The following USP31 variants were observed in gnomAD, a reference collection of about 807,000 sequenced individuals.
USP31 encodes ubiquitin carboxyl-terminal hydrolase 31.
In USP31, 44 loss-of-function variants were observed where a neutral mutation model predicts 119.4. The observed-to-expected ratio is 0.37, with a 90% CI of 0.29 to 0.47. The LOEUF is 0.47. Ranked by LOEUF, USP31 falls within the 20% of genes least tolerant of loss-of-function variation. The probability of loss-of-function intolerance (pLI) is 0.99; values close to 1 mark genes in which losing one functional copy is unlikely to be tolerated. For synonymous variants in USP31, 749 were observed against 705.6 expected (o/e 1.06, Z -0.97); for missense variants, 1,643 against 1,730.2 (o/e 0.95, Z 0.89).
chr16:23,112,818 C>T (rs112188816), intron 1 of USP31, among the ~76,000 whole-genome samples: 1,687 of 151,992 alleles, frequency 0.011, 13 homozygotes, highest in African/African-American at 0.027. Flanking sequence ...CACCTGAGGT[C>T]GGGAGTTCAA....
intron 1 of USP31, among the ~76,000 whole-genome samples, chr16:23,135,623 A>T (rs1903165249): frequency 6.6e-6 from 1 of 152,238 alleles, no homozygotes; most frequent in African/African-American, 2.4e-5. Flanking sequence ...AATAAATTTA[A>T]CCAAGGAAGG....
At chr16:23,082,326 G>A in intron 12 of USP31, 112 bp downstream of exon 12, 1 of 1,403,422 alleles carries the variant, frequency 7.1e-7, no homozygotes, top group South Asian at 1.3e-5. Flanking sequence ...TACACAGACA[G>A]GACTCACTGG....
Position 23,090,613 on chromosome 16 carries a change from C to T in USP31, c.1415+11G>A. 1 of 1,592,416 alleles carries T rather than the reference C, an allele frequency of 6.3e-7. No homozygotes were observed. The highest frequency in any genetic ancestry group is 1.3e-5 in the African/African-American group (1 of 74,644). ...GTCTAGGTACTTACTGGAAAATAAT[C>T]TGGTTCTCACCTTTTCCCTTGTTGC... On this transcript the variant is annotated intron_variant, in intron 7 of 15. Transcript: ENST00000219689.
chr16:23,100,015 G>A (rs1442565420), intron 6 of USP31, among the ~76,000 whole-genome samples: 3 of 152,180 alleles, frequency 2.0e-5, no homozygotes, highest in Non-Finnish European at 4.4e-5. Context: ...AAATTAAAGA[G>A]TCAGATAATA....
intron 6 of USP31, among the ~76,000 whole-genome samples, chr16:23,093,057 A>C (rs1248117549): frequency 2.0e-5 from 3 of 152,172 alleles, no homozygotes; most frequent in African/African-American, 7.2e-5. Flanking sequence ...AACAACCTAA[A>C]TGTAAGAGCT....
chr16:23,071,606 T>G (rs1234447989), intron 15 of USP31, among the ~76,000 whole-genome samples: 2 of 152,216 alleles, frequency 1.3e-5, no homozygotes, highest in East Asian at 3.8e-4. Flanking sequence ...GAGCAGCATG[T>G]TGGAAGGTGA....
intron 5 of USP31, among the ~76,000 whole-genome samples, chr16:23,104,853 T>C (rs1596714037): frequency 6.6e-6 from 1 of 152,176 alleles, no homozygotes; most frequent in African/African-American, 2.4e-5. Context: ...AGGTCAAAAG[T>C]ATTTTTGGTC....
At chr16:23,072,252 G>T in intron 14 of USP31, 55 bp from the exon 15 acceptor site, 1 of 1,561,704 alleles carries the variant, frequency 6.4e-7, no homozygotes. Flanking sequence ...GGCCAGCCCT[G>T]AGCCACACAC....
Position 23,062,015 on chromosome 16 carries a change from A to G in USP31, c.*6031T>C, listed in dbSNP as rs1173067248. On this transcript the variant is annotated 3_prime_UTR_variant, in exon 16 of 16. Transcript: ENST00000219689. ...GGTATGACACCACACCGTTTATAAT[A>G]GCACCTAGGAAATTTCATATTGCAT... is the stretch of plus-strand genomic sequence containing the variant. The G allele has an allele frequency of 6.5e-6, 1 of 152,688 alleles. No homozygotes were observed. Among genetic ancestry groups the G allele is most frequent in the Non-Finnish European group, 1.5e-5 (1 of 68,046 alleles). 9.5% of individuals were successfully genotyped at this position (152,688 alleles called of 1,614,324 possible). A position where few individuals can be genotyped will look rare whatever the true frequency, so the allele number is the denominator to read the frequency against.
intron 11 of USP31, among the ~76,000 whole-genome samples, chr16:23,083,354 C>G (rs1318865108): frequency 6.6e-6 from 1 of 152,106 alleles, no homozygotes; most frequent in African/African-American, 2.4e-5. Context: ...TTCCACTAGA[C>G]TACAAACAGC....
chr16:23,131,084 AG>A (rs543829990), intron 1 of USP31, among the ~76,000 whole-genome samples: 6 of 152,282 alleles, frequency 3.9e-5, no homozygotes, highest in African/African-American at 1.4e-4. Context: ...CCAAGGTGTG[AG>A]GATCACTCAA....
At chr16:23,081,876 T>C (rs1783539058) in intron 12 of USP31, among the ~76,000 whole-genome samples, 1 of 152,246 alleles carries the variant, frequency 6.6e-6, no homozygotes, top group Non-Finnish European at 1.5e-5. Context: ...TAGTAAAAGC[T>C]TGCTCATCTT....
chr16:23,141,433 GC>G (rs1903349295), intron 1 of USP31, among the ~76,000 whole-genome samples: 1 of 151,736 alleles, frequency 6.6e-6, no homozygotes, highest in African/African-American at 2.4e-5. Flanking sequence ...AGGCCAGAGG[GC>G]AGTGGCACAA....
intron 7 of USP31, among the ~76,000 whole-genome samples, chr16:23,090,364 C>A (rs1344045741): frequency 6.6e-6 from 1 of 152,002 alleles, no homozygotes; most frequent in Non-Finnish European, 1.5e-5. Flanking sequence ...CCAGCCTGGG[C>A]AACACAGCGA....
chr16:23,124,271 G>A (rs1567243878), intron 1 of USP31, among the ~76,000 whole-genome samples: 2 of 152,158 alleles, frequency 1.3e-5, no homozygotes, highest in Admixed American at 1.3e-4. Context: ...AACTGAGTAT[G>A]TCTAGGATTC....
In USP31 at chr16:23,068,390, G is replaced by T; in HGVS notation, c.3715C>A (p.Arg1239=). The part of the protein sequence containing the change: ...FKSALRQKET[R]RSTDLGKTAL... ...GTCTTGCCAAGATCCGTCGAGCGCC[G>T]GGTTTCCTTCTGTCTCAAGGCTGAT... is the stretch of plus-strand genomic sequence containing the variant. The change falls in exon 16 of 16, where the codon CGG becomes AGG. Residue 1239 remains arginine (R), a synonymous_variant. Transcript: ENST00000219689. 6.2e-7 allele frequency: 1 copy of T among 1,613,950 alleles called. No homozygotes were observed.
In USP31 at chr16:23,110,332, C is replaced by G. The variant is rs550970594; in HGVS notation, c.634-2149G>C. ...GGTGTTAACTAACAGACAAGAAACC[C>G]TTCCAGGAGATGTCATTTGAGCTGG... On this transcript the variant is annotated intron_variant, in intron 1 of 15. Transcript: ENST00000219689. 5.9e-5 allele frequency among the ~76,000 whole-genome samples: 9 copies of G among 152,170 alleles called. No homozygotes were observed. In the South Asian group the frequency reaches 6.2e-4, roughly 11 times the overall value.
chr16:23,072,750 A>G (rs528262154), intron 14 of USP31, among the ~76,000 whole-genome samples: 1 of 152,288 alleles, frequency 6.6e-6, no homozygotes, highest in East Asian at 1.9e-4. Flanking sequence ...GGGCAAGAGA[A>G]ATTGCTCTTG....
At chr16:23,082,017 C>T (rs953225121) in intron 12 of USP31, among the ~76,000 whole-genome samples, 5 of 152,166 alleles carry the variant, frequency 3.3e-5, no homozygotes, top group African/African-American at 1.2e-4. Context: ...AACTGACTCA[C>T]AAAGCAATAC....
Sources: gnomAD v4.1 joint callset for allele counts (sites outside exome capture counted in the v4.1 genomes callset) on GRCh38, gnomAD v4.1.1 for gene constraint, MANE v1.5 for transcripts, NCBI Gene and HGNC (gene_info 2026-07-23, HGNC 2026-07-21) for gene names.